SYT9: variants seen among roughly 807,000 people sequenced by gnomAD.
SYT9 encodes synaptotagmin-9.
SYT9 carries 22 observed loss-of-function variants against 48.4 expected under a neutral mutation model. The observed-to-expected ratio is 0.45, with a 90% confidence interval of 0.32 to 0.65. SYT9 has a LOEUF of 0.65. SYT9 is among the 30% of genes least tolerant of loss of function. The pLI is 0.03. For synonymous variants in SYT9, 265 were observed against 245.0 expected (o/e 1.08, Z -0.76); for missense variants, 577 against 622.0 (o/e 0.93, Z 0.77).
intron 6 of SYT9, chr11:7,456,734 TA>T (rs1405218680): frequency 1.3e-5 from 2 of 152,224 alleles, no homozygotes; most frequent in Admixed American, 1.3e-4. Context: ...ATGCTAAATT[TA>T]AACAGCCCCG....
chr11:7,465,832 TG>T (rs1848322532), intron 6 of SYT9: 1 of 181,128 alleles, frequency 5.5e-6, no homozygotes, highest in Non-Finnish European at 1.1e-5. Flanking sequence ...CAAGAGAAAA[TG>T]AGGAAGAAGC....
rs1848975388 is a variant in SYT9, at chr11:7,303,487, T to C, written c.497+97T>C. On this transcript the variant is annotated intron_variant, in intron 2 of 6. Transcript: ENST00000318881. ...TGATAGGTCAAGGAGCCTGTAACCTTTTAGATTTCTGTTCTGTATCAGAGA... is the reference window on the plus strand; with the variant it reads ...TGATAGGTCAAGGAGCCTGTAACCTCTTAGATTTCTGTTCTGTATCAGAGA... 16 of 1,083,314 alleles carry C rather than the reference T, an allele frequency of 1.5e-5. No individual in the cohort carries two copies. In the South Asian group the frequency reaches 2.3e-4, roughly 16 times the overall value. 67.1% of individuals were successfully genotyped at this position (1,083,314 alleles called of 1,614,324 possible).
chr11:7,386,741 G>T (rs895134958), intron 3 of SYT9, among the ~76,000 whole-genome samples: 2 of 152,120 alleles, frequency 1.3e-5, no homozygotes, highest in African/African-American at 4.8e-5. Context: ...TCAGTGTGGC[G>T]ATTCCTTAGG....
intron 3 of SYT9, among the ~76,000 whole-genome samples, chr11:7,332,426 A>G (rs974065527): frequency 1.3e-5 from 2 of 152,246 alleles, no homozygotes; most frequent in Non-Finnish European, 2.9e-5. Flanking sequence ...GAATGGATGC[A>G]CTGGCTTTGT....
At chr11:7,247,031 A>G (rs1048359136), upstream of SYT9, among the ~76,000 whole-genome samples, 1 of 152,234 alleles carries the variant, frequency 6.6e-6, no homozygotes, top group African/African-American at 2.4e-5. Flanking sequence ...CCTGGCTTGC[A>G]GAGAGCTGCC....
In SYT9 at chr11:7,313,464, G is replaced by A. The variant is rs757854344; in HGVS notation, c.567G>A (p.Gln189=). 3 of 1,614,056 alleles carry A rather than the reference G, an allele frequency of 1.9e-6. No homozygotes were observed. Among genetic ancestry groups the A allele is most frequent in the Admixed American group, 1.7e-5 (1 of 60,014 alleles). ...PDFNIQQLQK[Q]EQLTGIGRIK... ...TCAATATCCAGCAGCTTCAAAAACA[G>A]GAACAGTTGACTGGAATTGGTAGAA... Residue 189 remains glutamine (Q), a synonymous_variant, in exon 3 of 7, where the codon CAG becomes CAA. Coordinates refer to ENST00000318881, the MANE Select transcript of SYT9 (RefSeq NM_175733.4).
At chr11:7,403,083 A>AG (rs1246593200) in intron 3 of SYT9, among the ~76,000 whole-genome samples, 4 of 151,908 alleles carry the variant, frequency 2.6e-5, no homozygotes, top group African/African-American at 7.3e-5. Context: ...TTAGAACAGA[A>AG]GCTGAGGTTA....
rs1849267853 is a variant in SYT9 at position 7,317,792 on chromosome 11, A to G, written c.1044+3851A>G. Among the ~76,000 whole-genome samples, 3 of 152,116 alleles carry G rather than the reference A, an allele frequency of 2.0e-5. No individual in the cohort carries two copies. The South Asian group carries it at 6.2e-4, about 32-fold the overall frequency. On this transcript the variant is annotated intron_variant, in intron 3 of 6. Transcript: ENST00000318881. ...CTGTATATGCACAACCTGTTTCTGG[A>G]TTCTCTTTTCTATCCACTGGGATGT...
At chr11:7,417,873 T>G in intron 4 of SYT9, 84 bp from the exon 5 acceptor site, 2 of 1,431,448 alleles carry the variant, frequency 1.4e-6, no homozygotes, top group Non-Finnish European at 1.9e-6. Flanking sequence ...CATACCATAG[T>G]CCATGAAAAC....
At chr11:7,309,502 T>G (rs1398326635) in intron 2 of SYT9, among the ~76,000 whole-genome samples, 3 of 152,190 alleles carry the variant, frequency 2.0e-5, no homozygotes, top group Non-Finnish European at 4.4e-5. Context: ...GGCTTTGAAA[T>G]TCTAGACCCT....
intron 6 of SYT9, among the ~76,000 whole-genome samples, chr11:7,448,373 C>G (rs1407923416): frequency 6.6e-6 from 1 of 152,220 alleles, no homozygotes; most frequent in Non-Finnish European, 1.5e-5. Context: ...TTTGATGGCG[C>G]CTGCTAAAAG....
chr11:7,284,873 A>G (rs1464084081), intron 1 of SYT9, among the ~76,000 whole-genome samples: 1 of 152,166 alleles, frequency 6.6e-6, no homozygotes, highest in East Asian at 1.9e-4. Context: ...TAGTGTCTTC[A>G]AAGACAAAAG....
At position 7,420,581 on chromosome 11, in the gene SYT9, T is replaced by C. The variant is rs754440940; in HGVS notation, c.1413T>C (p.Ser471=). ...EAERLGRDHW[S]EMLSYPRKPI... is the part of the protein sequence containing the mutation. Reference sequence around the variant, plus strand: ...AGAGGCTGGGCAGAGACCACTGGAGTGAAATGTTGTCATATCCTCGGAAGC... The same window carrying C: ...AGAGGCTGGGCAGAGACCACTGGAGCGAAATGTTGTCATATCCTCGGAAGC... The change falls in exon 6 of 7, where the codon AGT becomes AGC. Residue 471 remains serine (S), a synonymous_variant. Transcript: ENST00000318881. 3.1e-6 allele frequency: 5 copies of C among 1,613,902 alleles called. No homozygotes were observed. The highest frequency in any genetic ancestry group is 4.2e-6 in the Non-Finnish European group (5 of 1,179,998).
At chr11:7,360,338 C>CT (rs1322565074) in intron 3 of SYT9, among the ~76,000 whole-genome samples, 1 of 152,092 alleles carries the variant, frequency 6.6e-6, no homozygotes, top group African/African-American at 2.4e-5. Flanking sequence ...ATTGCGGGCT[C>CT]TTTTTTGGTT....
Position 7,252,282 on chromosome 11 carries a change from T to C in SYT9, c.96T>C (p.Asp32=). 6.6e-7 allele frequency: 1 copy of C among 1,513,130 alleles called. No individual in the cohort carries two copies. Among genetic ancestry groups the C allele is most frequent in the Admixed American group, 2.2e-5 (1 of 46,280 alleles). The allele number at this position is 1,513,130 out of a possible 1,614,324, so 93.7% of individuals were successfully genotyped here. ...RGALEHDSCQ[D]FIYHLRDRAR... ...CCCTGGAGCACGACAGCTGCCAGGA[T>C]TTCATTTACCACCTGCGGGACCGTG... Residue 32 remains aspartate (D), a synonymous_variant, in exon 1 of 7, where the codon GAT becomes GAC. Coordinates refer to ENST00000318881, the MANE Select transcript of SYT9 (RefSeq NM_175733.4). This position sits in a 1 kb window ranked among gnomAD's most constrained non-coding sequence, Gnocchi z 6.3.
chr11:7,433,760 A>ACTAG (rs1847653248), intron 6 of SYT9, among the ~76,000 whole-genome samples: 2 of 152,230 alleles, frequency 1.3e-5, no homozygotes, highest in African/African-American at 4.8e-5. Flanking sequence ...CACTCACCAG[A>ACTAG]CACCAAATCA....
chr11:7,307,193 A>G lies in SYT9; in HGVS notation c.497+3803A>G, dbSNP rs904493028. On this transcript the variant is annotated intron_variant, in intron 2 of 6. Coordinates refer to ENST00000318881, the MANE Select transcript of SYT9 (RefSeq NM_175733.4). ...ACAGAATTGAAAGAGGAAGATAACC[A>G]TCACACTCTAAATTTAGGTCCCATG... 2.0e-5 allele frequency among the ~76,000 whole-genome samples: 3 copies of G among 152,248 alleles called. No homozygotes were observed. The East Asian group carries it at 5.8e-4, about 29-fold the overall frequency.
At chr11:7,351,657 G>T (rs1287632647) in intron 3 of SYT9, among the ~76,000 whole-genome samples, 1 of 152,210 alleles carries the variant, frequency 6.6e-6, no homozygotes, top group African/African-American at 2.4e-5. Context: ...GAAGATGGAA[G>T]TAGAAACTTG....
At chr11:7,241,019 G>A (rs766455833) in intron 1 of SYT9, among the ~76,000 whole-genome samples, 4 of 151,904 alleles carry the variant, frequency 2.6e-5, no homozygotes, top group African/African-American at 4.8e-5. Context: ...AATTCTACTT[G>A]GAAAGAAATA....
Sources: gnomAD v4.1 joint callset for allele counts (sites outside exome capture counted in the v4.1 genomes callset) on GRCh38, gnomAD v4.1.1 for gene constraint, Gnocchi (gnomAD v3.1) non-coding constraint, MANE v1.5 for transcripts, NCBI Gene and HGNC (gene_info 2026-07-23, HGNC 2026-07-21) for gene names.